The following WDR4 variants were observed in gnomAD, a reference collection of about 807,000 sequenced individuals.
WDR4 encodes tRNA (guanine-N(7)-)-methyltransferase non-catalytic subunit WDR4.
In WDR4, 47 loss-of-function variants were observed where a neutral mutation model predicts 48.6. That is an observed-to-expected ratio of 0.97 (90% CI 0.77 to 1.23). WDR4 has a LOEUF of 1.23. Ranked by LOEUF, WDR4 falls within the 50% of genes most tolerant of loss-of-function variation. WDR4 has a pLI of 0.00. For missense variants in WDR4, 606 were observed against 551.6 expected (o/e 1.10, Z -0.99); for synonymous variants, 268 against 230.0 (o/e 1.17, Z -1.49).
Position 42,862,284 on chromosome 21 carries a change from T to C in WDR4, c.564A>G (p.Thr188=), listed in dbSNP as rs1321551006. 2 of 1,606,086 alleles carry C rather than the reference T, an allele frequency of 1.2e-6. No homozygotes were observed. Among genetic ancestry groups the C allele is most frequent in the East Asian group, 2.2e-5 (1 of 44,700 alleles). The change falls in exon 5 of 11, where the codon ACA becomes ACG. Residue 188 remains threonine (T), a splice_region_variant and synonymous_variant. Coordinates refer to ENST00000398208, the MANE Select transcript of WDR4 (RefSeq NM_018669.6). The surrounding 1 kb of genome is among the most constrained non-coding windows in gnomAD (Gnocchi z 4.3). ...HSIESFCLGH[T]EFVSRISVVP... ...GAGGGGCAGGAAGGGGCACTCACTC[T>C]GTGTGCCCCAAGCAGAAGGACTCGA...
intron 5 of WDR4, among the ~76,000 whole-genome samples, chr21:42,861,681 C>T (rs1224430445): frequency 6.6e-6 from 1 of 152,214 alleles, no homozygotes; most frequent in Non-Finnish European, 1.5e-5. Flanking sequence ...CAGGAAAACA[C>T]AGGCAACCTC....
intron 2 of WDR4, among the ~76,000 whole-genome samples, chr21:42,874,412 T>A (rs1317373724): frequency 6.6e-6 from 1 of 152,088 alleles, no homozygotes; most frequent in African/African-American, 2.4e-5. Flanking sequence ...CAATATGAAA[T>A]CTGGGCACCT....
At chr21:42,843,123 C>T (rs2057680719) in exon 12 of WDR4, 1 of 152,202 alleles carries the variant, frequency 6.6e-6, no homozygotes, top group Non-Finnish European at 1.5e-5. Flanking sequence ...TACACAGACT[C>T]AGTAGCGGAA....
At chr21:42,887,841 C>G in the WDR4 span, among the ~76,000 whole-genome samples, 1 of 151,824 alleles carries the variant, frequency 6.6e-6, no homozygotes, top group Admixed American at 6.6e-5. Flanking sequence ...CTGCTTGAGC[C>G]CGGGTAGCAG....
chr21:42,871,438 C>T (rs552342931), intron 3 of WDR4, among the ~76,000 whole-genome samples: 1 of 152,336 alleles, frequency 6.6e-6, no homozygotes, highest in East Asian at 1.9e-4. Flanking sequence ...TGTGGAGGGG[C>T]TCAGAGCAGG....
chr21:42,850,073 CG>C lies in WDR4; in HGVS notation c.1214del (p.Pro405ArgfsTer6). 6.2e-7 allele frequency: 1 copy of C among 1,614,084 alleles called. No individual in the cohort carries two copies. Among genetic ancestry groups the C allele is most frequent in the Non-Finnish European group, 8.5e-7 (1 of 1,180,004 alleles). ...ATCAGCAACTTAGCGTCGCCTCCCC[CG>C]GTCTCATCTTCTTGGCATGCCCGTC... is the stretch of plus-strand genomic sequence containing the variant. ...GPDGHAKKMRPGEATLSC is the reference protein window; with the variant it reads ...GPDGHAKKMRXGEATLSC On this transcript the variant is annotated frameshift_variant, in exon 11 of 11. Coordinates refer to ENST00000398208, the MANE Select transcript of WDR4 (RefSeq NM_018669.6). LOFTEE classifies it low-confidence loss of function (END_TRUNC).
chr21:42,852,157 C>A, intron 10 of WDR4, 98 bp downstream of exon 10: 2 of 1,295,758 alleles, frequency 1.5e-6, no homozygotes, highest in Non-Finnish European at 2.2e-6. Context: ...TTTATCTGCA[C>A]ACCAGGTACC....
chr21:42,890,801 A>T, the WDR4 span, among the ~76,000 whole-genome samples: 2 of 100,442 alleles, frequency 2.0e-5, no homozygotes, highest in Admixed American at 8.0e-5. Context: ...ATTGGAAAAT[A>T]CAATAATGTA....
intron 6 of WDR4, 139 bp downstream of exon 6, chr21:42,859,523 G>A (rs1371528963): frequency 1.1e-6 from 1 of 894,906 alleles, no homozygotes; most frequent in Non-Finnish European, 1.7e-6. Flanking sequence ...GCGAGCCGCA[G>A]GCAGCTCTAA....
At chr21:42,866,231 G>GTACC (rs765142865) in intron 3 of WDR4, among the ~76,000 whole-genome samples, 17 of 152,282 alleles carry the variant, frequency 1.1e-4, no homozygotes, top group Middle Eastern at 3.4e-3. Flanking sequence ...GACTGCCCAG[G>GTACC]TGGCAGGCCC....
intron 5 of WDR4, among the ~76,000 whole-genome samples, chr21:42,860,076 C>A (rs531064523): frequency 2.0e-5 from 3 of 152,226 alleles, no homozygotes; most frequent in South Asian, 2.1e-4. Context: ...CCTCTACAGG[C>A]CCCCCAGCAC....
chr21:42,870,381 T>C (rs1601166610), intron 3 of WDR4, among the ~76,000 whole-genome samples: 1 of 152,030 alleles, frequency 6.6e-6, no homozygotes, highest in African/African-American at 2.4e-5. Context: ...TCACAGAGCA[T>C]ATGGCCTAGC....
intron 5 of WDR4, among the ~76,000 whole-genome samples, chr21:42,861,373 G>A (rs1165927413): frequency 3.5e-5 from 5 of 142,134 alleles, no homozygotes; most frequent in African/African-American, 7.6e-5. Flanking sequence ...GGGAGGGAGG[G>A]AGCAGTTGAA....
At chr21:42,844,650 G>C (rs572929355), downstream of WDR4, among the ~76,000 whole-genome samples, 1 of 152,280 alleles carries the variant, frequency 6.6e-6, no homozygotes, top group South Asian at 2.1e-4. Flanking sequence ...AGTTGGCCAA[G>C]GTGCAGCAGG....
At chr21:42,854,662 CTGCAGGGGCCCGA>C (rs763720766) in intron 7 of WDR4, 36 bp from the exon 8 acceptor site, 8 of 1,603,932 alleles carry the variant, frequency 5.0e-6, no homozygotes, top group Non-Finnish European at 6.0e-6. Context: ...TTCACGCCAC[CTGCAGGGGCCCGA>C]CGCCGGGCGC....
upstream of WDR4, among the ~76,000 whole-genome samples, chr21:42,882,155 A>G (rs2058614404): frequency 6.6e-6 from 1 of 151,278 alleles, no homozygotes. Context: ...TCGGCCTCCC[A>G]AAGTGTTGGG....
intron 3 of WDR4, among the ~76,000 whole-genome samples, chr21:42,864,911 T>TGTG (rs1296500811): frequency 9.2e-5 from 14 of 152,184 alleles, no homozygotes; most frequent in African/African-American, 3.4e-4. Flanking sequence ...CAGCCAGCCC[T>TGTG]GCTTCCCCAC....
At chr21:42,856,389 T>C (rs1456219817) in intron 6 of WDR4, among the ~76,000 whole-genome samples, 1 of 152,148 alleles carries the variant, frequency 6.6e-6, no homozygotes, top group Non-Finnish European at 1.5e-5. Context: ...GTTTTATCTG[T>C]TGTTATTTTT....
rs2057767434 is a variant in WDR4 at position 42,849,701 on chromosome 21, G to A, written c.*348C>T. 1 of 217,144 alleles carries A rather than the reference G, an allele frequency of 4.6e-6. No homozygotes were observed. Among genetic ancestry groups the A allele is most frequent in the Admixed American group, 6.0e-5 (1 of 16,580 alleles). The allele number at this position is 217,144 out of a possible 1,614,324, so 13.5% of individuals were successfully genotyped here. A position where few individuals can be genotyped will look rare whatever the true frequency, so the allele number is the denominator to read the frequency against. Reference sequence around the variant, plus strand: ...AAACGTCAGCCCACAGATGCTCCTAGAGGAAGATGCAGCGGACACGAAGGG... The same window carrying A: ...AAACGTCAGCCCACAGATGCTCCTAAAGGAAGATGCAGCGGACACGAAGGG... On this transcript the variant is annotated 3_prime_UTR_variant, in exon 11 of 11. Coordinates refer to ENST00000398208, the MANE Select transcript of WDR4 (RefSeq NM_018669.6).
Sources: allele counts gnomAD v4.1 joint callset (sites outside exome capture counted in the v4.1 genomes callset), GRCh38; gene constraint gnomAD v4.1.1; non-coding constraint Gnocchi (gnomAD v3.1); transcripts MANE v1.5; gene names NCBI Gene and HGNC (gene_info 2026-07-23, HGNC 2026-07-21).